FHIT: variants seen among roughly 807,000 people sequenced by gnomAD.
FHIT encodes fragile histidine triad diadenosine triphosphatase.
FHIT carries 19 observed loss-of-function variants against 17.9 expected under a neutral mutation model. That is an observed-to-expected ratio of 1.06 (90% confidence interval 0.74 to 1.56). The LOEUF is 1.56. Among genes scored for constraint, FHIT ranks in the 40% most tolerant of loss-of-function variants. The pLI is 0.00. For synonymous variants in FHIT, 81 were observed against 69.7 expected, an observed-to-expected ratio of 1.16 and a Z score of -0.81; for missense variants, 248 against 189.2, an observed-to-expected ratio of 1.31 and a Z score of -1.82.
intron 5 of FHIT, among the ~76,000 whole-genome samples, chr3:60,054,439 T>C (rs1017948103): frequency 3.9e-5 from 6 of 152,186 alleles, no homozygotes; most frequent in African/African-American, 1.2e-4. Flanking sequence ...CCTGTGATCC[T>C]GTTGCCAATG....
At chr3:60,711,033 G>A (rs1351037631) in intron 4 of FHIT, among the ~76,000 whole-genome samples, 12 of 152,150 alleles carry the variant, frequency 7.9e-5, no homozygotes, top group African/African-American at 2.9e-4. Flanking sequence ...CCCAGTAGGG[G>A]CAGACTGACA....
intron 4 of FHIT, among the ~76,000 whole-genome samples, chr3:60,657,265 A>G (rs1553689857): frequency 6.6e-6 from 1 of 152,168 alleles, no homozygotes; most frequent in Non-Finnish European, 1.5e-5. Flanking sequence ...TGTCTCAGCA[A>G]TTGGAGGGCA....
intron 2 of FHIT, among the ~76,000 whole-genome samples, chr3:61,163,733 C>A (rs1371023138): frequency 6.0e-5 from 9 of 150,898 alleles, no homozygotes; most frequent in Admixed American, 1.3e-4. Flanking sequence ...GATCACACCC[C>A]CTATGTCCAA....
chr3:60,001,370 C>G (rs1396744312), intron 7 of FHIT, among the ~76,000 whole-genome samples: 1 of 152,152 alleles, frequency 6.6e-6, no homozygotes, highest in Non-Finnish European at 1.5e-5. Flanking sequence ...TACTTGAAAA[C>G]AAGGACTACG....
intron 4 of FHIT, among the ~76,000 whole-genome samples, chr3:60,819,770 A>G (rs186712337): frequency 1.3e-5 from 2 of 152,296 alleles, no homozygotes; most frequent in Admixed American, 6.5e-5. Flanking sequence ...TGAGTTCACT[A>G]AGAGCACACA....
intron 5 of FHIT, among the ~76,000 whole-genome samples, chr3:60,207,889 A>C (rs1310643579): frequency 1.3e-5 from 2 of 152,134 alleles, no homozygotes; most frequent in Admixed American, 1.3e-4. Flanking sequence ...ATAAATTTGA[A>C]ATTTTCTTCA....
At chr3:60,732,682 T>G in intron 4 of FHIT, 1 of 275,868 alleles carries the variant, frequency 3.6e-6, no homozygotes, top group East Asian at 8.8e-5. Context: ...CTGCAAAGAC[T>G]GCTTTTTTTT....
intron 4 of FHIT, among the ~76,000 whole-genome samples, chr3:60,603,152 T>C (rs1553669448): frequency 6.6e-6 from 1 of 152,156 alleles, no homozygotes; most frequent in African/African-American, 2.4e-5. Context: ...GTGAATAACA[T>C]CTAAAATTGG....
intron 4 of FHIT, among the ~76,000 whole-genome samples, chr3:60,778,255 G>T (rs952606189): frequency 1.3e-5 from 2 of 152,122 alleles, no homozygotes; most frequent in Non-Finnish European, 2.9e-5. Flanking sequence ...TGTCAGTCGT[G>T]TTTCTAATTG....
At chr3:60,950,571 C>T (rs1427627700) in intron 3 of FHIT, among the ~76,000 whole-genome samples, 1 of 151,110 alleles carries the variant, frequency 6.6e-6, no homozygotes, top group Non-Finnish European at 1.5e-5. Flanking sequence ...GGCTGGACTG[C>T]AGTGGCACGA....
At chr3:60,012,396 G>A (rs1222883391) in intron 6 of FHIT, among the ~76,000 whole-genome samples, 2 of 151,178 alleles carry the variant, frequency 1.3e-5, no homozygotes, top group Non-Finnish European at 2.9e-5. Flanking sequence ...AGCCTCCTGA[G>A]TAACTGGGAC....
Position 60,357,443 on chromosome 3 carries a change from C to T in FHIT, c.103+179417G>A, listed in dbSNP as rs1298948694. ...TATTTTTAGTAGAGACAGGGTTTCG[C>T]TATGTTGGTCAGACTGGTCTCAAAC... On this transcript the variant is annotated intron_variant, in intron 5 of 9. Transcript: ENST00000492590. Among the ~76,000 whole-genome samples, 8 of 152,084 alleles carry T rather than the reference C, an allele frequency of 5.3e-5. No homozygotes were observed. The East Asian group carries it at 9.7e-4, about 18-fold the overall frequency.
intron 5 of FHIT, 131 bp from the exon 6 acceptor site, chr3:60,014,283 G>A: frequency 2.5e-6 from 2 of 804,838 alleles, no homozygotes; most frequent in Non-Finnish European, 1.9e-6. Context: ...TGAAGAAACA[G>A]ATATTTACCA....
intron 5 of FHIT, among the ~76,000 whole-genome samples, chr3:60,473,622 T>G (rs760379167): frequency 6.6e-6 from 1 of 152,110 alleles, no homozygotes; most frequent in African/African-American, 2.4e-5. Flanking sequence ...TACTTGCACA[T>G]GAAAACTTAA....
rs74855762 is a variant in FHIT at position 60,207,785 on chromosome 3, T to C, written c.104-193633A>G. 8.9e-4 allele frequency among the ~76,000 whole-genome samples: 136 copies of C among 152,298 alleles called. No individual in the cohort carries two copies. The East Asian group carries it at 0.021, about 23-fold the overall frequency. On this transcript the variant is annotated intron_variant, in intron 5 of 9. Coordinates refer to ENST00000492590, the MANE Select transcript of FHIT (RefSeq NM_002012.4). ...GTCATGAGAATGTGTGAAAAATCTA[T>C]AGGCTTACAAAACATGAAAACTCAA...
At chr3:59,969,138 G>C (rs968159773) in intron 7 of FHIT, among the ~76,000 whole-genome samples, 2 of 152,114 alleles carry the variant, frequency 1.3e-5, no homozygotes, top group Non-Finnish European at 1.5e-5. Flanking sequence ...TTCACTCGTA[G>C]GGAAAACAAC....
intron 5 of FHIT, among the ~76,000 whole-genome samples, chr3:60,176,082 G>A (rs1396225871): frequency 6.6e-6 from 1 of 152,206 alleles, no homozygotes; most frequent in Non-Finnish European, 1.5e-5. Flanking sequence ...GCCAGGTGTG[G>A]TGGCTCACGC....
intron 4 of FHIT, among the ~76,000 whole-genome samples, chr3:60,556,258 A>G (rs1023054561): frequency 1.3e-5 from 2 of 152,210 alleles, no homozygotes; most frequent in Non-Finnish European, 2.9e-5. Flanking sequence ...GTTAAGTGAC[A>G]TCTATAAAGT....
chr3:60,963,055 G>C (rs1455234503), intron 3 of FHIT, among the ~76,000 whole-genome samples: 1 of 152,168 alleles, frequency 6.6e-6, no homozygotes, highest in Non-Finnish European at 1.5e-5. Flanking sequence ...AATCCATCTG[G>C]TCCTGGACTT....
Sources: allele counts gnomAD v4.1 joint callset (sites outside exome capture counted in the v4.1 genomes callset), GRCh38; gene constraint gnomAD v4.1.1; transcripts MANE v1.5; gene names NCBI Gene and HGNC (gene_info 2026-07-23, HGNC 2026-07-21).